The following VKORC1L1 variants were observed in gnomAD, a reference collection of about 807,000 sequenced individuals.
VKORC1L1 encodes the protein vitamin K epoxide reductase complex subunit 1L1.
A neutral mutation model predicts 18.9 loss-of-function variants in VKORC1L1; 2 were observed. The observed-to-expected ratio is 0.11, with a 90% CI of 0.04 to 0.33. The LOEUF is 0.33. Ranked by LOEUF, VKORC1L1 falls within the 10% of genes least tolerant of loss-of-function variation. The pLI, the probability that VKORC1L1 is intolerant of heterozygous loss-of-function variation, is 1.00. For synonymous variants in VKORC1L1, 96 were observed against 100.0 expected (o/e 0.96, Z 0.24); for missense variants, 123 against 224.1 (o/e 0.55, Z 2.88).
intron 1 of VKORC1L1, among the ~76,000 whole-genome samples, chr7:65,904,170 A>G (rs946678437): frequency 6.6e-6 from 1 of 152,214 alleles, no homozygotes; most frequent in African/African-American, 2.4e-5. Context: ...AATAGCCCAA[A>G]GAATGGAAGG....
chr7:65,883,048 A>G (rs570346463), intron 1 of VKORC1L1, among the ~76,000 whole-genome samples: 3 of 152,008 alleles, frequency 2.0e-5, no homozygotes, highest in South Asian at 2.1e-4. Flanking sequence ...AACAAATTTG[A>G]CATAAGACTG....
At chr7:65,867,846 A>G in the VKORC1L1 span, among the ~76,000 whole-genome samples, 1 of 152,088 alleles carries the variant, frequency 6.6e-6, no homozygotes, top group African/African-American at 2.4e-5. Flanking sequence ...TATGTTGAAG[A>G]AGAGCACATG....
chr7:65,901,391 CTG>C (rs1583835715), intron 1 of VKORC1L1, among the ~76,000 whole-genome samples: 1 of 152,294 alleles, frequency 6.6e-6, no homozygotes, highest in East Asian at 1.9e-4. Flanking sequence ...AATTGAGAAA[CTG>C]TTACTTGATT....
chr7:65,923,101 G>A (rs1789704299), intron 1 of VKORC1L1, among the ~76,000 whole-genome samples: 1 of 152,144 alleles, frequency 6.6e-6, no homozygotes, highest in South Asian at 2.1e-4. Context: ...GTGCTTGTTC[G>A]TCTGTGTGAG....
At chr7:65,911,141 C>T (rs1012620007) in intron 1 of VKORC1L1, among the ~76,000 whole-genome samples, 2 of 152,174 alleles carry the variant, frequency 1.3e-5, no homozygotes, top group African/African-American at 2.4e-5. Flanking sequence ...GGATTCACTT[C>T]CTTCACTGTC....
chr7:65,936,814 T>A (rs912723076), intron 1 of VKORC1L1, among the ~76,000 whole-genome samples: 2 of 152,232 alleles, frequency 1.3e-5, no homozygotes, highest in African/African-American at 4.8e-5. Context: ...TCAGACAGTT[T>A]TAACCTCCTT....
At chr7:65,922,901 G>A (rs1042275037) in intron 1 of VKORC1L1, among the ~76,000 whole-genome samples, 1 of 151,886 alleles carries the variant, frequency 6.6e-6, no homozygotes, top group African/African-American at 2.4e-5. Flanking sequence ...GTCCTGCTTG[G>A]GGTTCAACTC....
At chr7:65,884,126 G>A (rs1788974332) in intron 1 of VKORC1L1, among the ~76,000 whole-genome samples, 2 of 152,168 alleles carry the variant, frequency 1.3e-5, no homozygotes, top group Non-Finnish European at 2.9e-5. Flanking sequence ...GAGTCAACCT[G>A]AGTTGAAATC....
chr7:65,866,300 T>C, the VKORC1L1 span, among the ~76,000 whole-genome samples: 1 of 152,198 alleles, frequency 6.6e-6, no homozygotes, highest in Admixed American at 6.5e-5. Context: ...TTATTTATTA[T>C]GTGTTTTACT....
intron 1 of VKORC1L1, among the ~76,000 whole-genome samples, chr7:65,899,309 C>A (rs1015742967): frequency 6.6e-6 from 1 of 152,224 alleles, no homozygotes; most frequent in Non-Finnish European, 1.5e-5. Context: ...TCTTCCAAAT[C>A]CACCTCTTTA....
intron 1 of VKORC1L1, among the ~76,000 whole-genome samples, chr7:65,938,502 A>G (rs1341533815): frequency 6.6e-6 from 1 of 152,220 alleles, no homozygotes; most frequent in Non-Finnish European, 1.5e-5. Flanking sequence ...AGAGCCCTTC[A>G]CAGTGAATGA....
chr7:65,930,754 C>G (rs566447632), intron 1 of VKORC1L1, among the ~76,000 whole-genome samples: 6 of 151,802 alleles, frequency 4.0e-5, no homozygotes, highest in African/African-American at 1.5e-4. Flanking sequence ...TAAGGTCTTT[C>G]AGTACAATGT....
At chr7:65,896,961 T>C (rs1363368887) in intron 1 of VKORC1L1, among the ~76,000 whole-genome samples, 8 of 152,126 alleles carry the variant, frequency 5.3e-5, no homozygotes, top group African/African-American at 1.9e-4. Flanking sequence ...ATCGCACCAT[T>C]GCACTGCACT....
At chr7:65,876,684 C>A (rs1346710708) in intron 1 of VKORC1L1, among the ~76,000 whole-genome samples, 1 of 152,108 alleles carries the variant, frequency 6.6e-6, no homozygotes, top group Non-Finnish European at 1.5e-5. Flanking sequence ...TTCCACCTCT[C>A]CCAGTTCTTA....
Position 65,958,101 on chromosome 7 carries a change from C to G in VKORC1L1, c.*3801C>G, listed in dbSNP as rs375125092. ...CGTGTCTTTTTCTCTAACACACAGTCATGGGTGAAACATTTCAGACACCTC... is the reference window on the plus strand; with the variant it reads ...CGTGTCTTTTTCTCTAACACACAGTGATGGGTGAAACATTTCAGACACCTC... On this transcript the variant is annotated 3_prime_UTR_variant, in exon 3 of 3. Transcript: ENST00000360768. The G allele has an allele frequency of 1.6e-4, 24 of 152,260 alleles. No individual in the cohort carries two copies. Among genetic ancestry groups the G allele is most frequent in the African/African-American group, 5.5e-4 (23 of 41,562 alleles). The allele number at this position is 152,260 out of a possible 1,614,324, so 9.4% of individuals were successfully genotyped here. A position where few individuals can be genotyped will look rare whatever the true frequency, so the allele number is the denominator to read the frequency against.
chr7:65,908,311 G>A (rs1435596060), intron 1 of VKORC1L1, among the ~76,000 whole-genome samples: 3 of 152,156 alleles, frequency 2.0e-5, no homozygotes. Context: ...CTACTTGGGA[G>A]CTGAGGCAGG....
In VKORC1L1 at chr7:65,935,726, T is replaced by G. The variant is rs557965266; in HGVS notation, c.195-12945T>G. On this transcript the variant is annotated intron_variant, in intron 1 of 2. Coordinates refer to ENST00000360768, the MANE Select transcript of VKORC1L1 (RefSeq NM_173517.6). ...TTTCTGTCTTTGGTTTTTAGTAGTT[T>G]GGTTATGATGTGTCTGGGTGTGGCA... Among the ~76,000 whole-genome samples, 49 of 152,326 alleles carry G rather than the reference T, an allele frequency of 3.2e-4. 2 individuals are homozygous for G. In the South Asian group the frequency reaches 9.5e-3, roughly 30 times the overall value.
intron 1 of VKORC1L1, among the ~76,000 whole-genome samples, chr7:65,946,551 T>A (rs534524122): frequency 6.6e-6 from 1 of 152,328 alleles, no homozygotes; most frequent in East Asian, 1.9e-4. Flanking sequence ...CCCAGAGTGA[T>A]TGTGCTTTAA....
intron 2 of VKORC1L1, among the ~76,000 whole-genome samples, chr7:65,949,273 A>T (rs1482401248): frequency 6.6e-6 from 1 of 152,040 alleles, no homozygotes; most frequent in African/African-American, 2.4e-5. Flanking sequence ...TGAGGTTGGG[A>T]GTTCGAGACC....
Sources: allele counts gnomAD v4.1 joint callset (sites outside exome capture counted in the v4.1 genomes callset), GRCh38; gene constraint gnomAD v4.1.1; transcripts MANE v1.5; gene names NCBI Gene and HGNC (gene_info 2026-07-23, HGNC 2026-07-21).